AKAIN1: variants seen among roughly 807,000 people sequenced by gnomAD.
AKAIN1 encodes A-kinase anchor inhibitor 1, also known as A-kinase anchor protein inhibitor 1.
AKAIN1 carries 3 observed loss-of-function variants against 3.7 expected under a neutral mutation model. The observed-to-expected ratio is 0.82, with a 90% CI of 0.37 to 2.12. AKAIN1 has a LOEUF of 2.12. AKAIN1 is among the 30% of genes most tolerant of loss of function. The probability of loss-of-function intolerance (pLI) is 0.06; values close to 1 mark genes in which losing one functional copy is unlikely to be tolerated. For synonymous variants in AKAIN1, 31 were observed against 30.8 expected (o/e 1.01, Z -0.02); for missense variants, 82 against 82.7 (o/e 0.99, Z 0.03).
intron 1 of AKAIN1, among the ~76,000 whole-genome samples, chr18:5,180,971 G>A (rs1224480738): frequency 6.6e-6 from 1 of 151,916 alleles, no homozygotes; most frequent in East Asian, 1.9e-4. Context: ...GAGTGCCACA[G>A]CAACACTTCT....
Position 5,197,216 on chromosome 18 carries a change from G to GGCCGCAGCTCCAGCCGCC in AKAIN1, c.-181_-164dup. Reference sequence around the variant, plus strand: ...GACAGCTCCCGCCGCTAGATCCTGGGGCCGCAGCTCCAGCCGCCGCCGCGC... The same window carrying GGCCGCAGCTCCAGCCGCC: ...GACAGCTCCCGCCGCTAGATCCTGGGGCCGCAGCTCCAGCCGCCGCCGCAGCTCCAGCCGCCGCCGCGC... On this transcript the variant is annotated 5_prime_UTR_variant, in exon 1 of 2. Coordinates refer to ENST00000434239, the MANE Select transcript of AKAIN1 (RefSeq NM_001145194.2). The surrounding 1 kb of genome is among the most constrained non-coding windows in gnomAD (Gnocchi z 6.9). 2.9e-6 allele frequency: 4 copies of GGCCGCAGCTCCAGCCGCC among 1,395,274 alleles called. No individual in the cohort carries two copies. The highest frequency in any genetic ancestry group is 3.7e-6 in the Non-Finnish European group (4 of 1,085,422). 86.4% of individuals were successfully genotyped at this position (1,395,274 alleles called of 1,614,324 possible).
chr18:5,150,678 T>G (rs1039508753), intron 1 of AKAIN1, among the ~76,000 whole-genome samples: 6 of 152,152 alleles, frequency 3.9e-5, no homozygotes, highest in Admixed American at 1.3e-4. Context: ...CACAGACCAC[T>G]GTGAGCTCTG....
At chr18:5,180,877 G>T (rs2071253854) in intron 1 of AKAIN1, among the ~76,000 whole-genome samples, 1 of 152,092 alleles carries the variant, frequency 6.6e-6, no homozygotes, top group South Asian at 2.1e-4. Flanking sequence ...GGATTCCATA[G>T]AGCCCTCCTG....
At chr18:5,174,683 G>A (rs1213136869) in intron 1 of AKAIN1, among the ~76,000 whole-genome samples, 1 of 152,112 alleles carries the variant, frequency 6.6e-6, no homozygotes, top group African/African-American at 2.4e-5. Flanking sequence ...GAAGTTTGTG[G>A]TAAGCTGAGA....
intron 1 of AKAIN1, among the ~76,000 whole-genome samples, chr18:5,163,399 C>T (rs2071150384): frequency 6.6e-6 from 1 of 151,948 alleles, no homozygotes; most frequent in South Asian, 2.1e-4. Flanking sequence ...CCAGGGTTTT[C>T]CTCTTTAATT....
chr18:5,169,052 C>T (rs889525821), intron 1 of AKAIN1, among the ~76,000 whole-genome samples: 1 of 146,048 alleles, frequency 6.8e-6, no homozygotes, highest in Non-Finnish European at 1.6e-5. Flanking sequence ...ATATGCAGGG[C>T]GGGCTGGCAA....
At chr18:5,168,554 C>T (rs1409247204) in intron 1 of AKAIN1, among the ~76,000 whole-genome samples, 4 of 151,988 alleles carry the variant, frequency 2.6e-5, no homozygotes, top group Non-Finnish European at 5.9e-5. Context: ...ATTTCCATAC[C>T]TTATACTGTT....
intron 1 of AKAIN1, among the ~76,000 whole-genome samples, chr18:5,175,098 C>A (rs945640632): frequency 1.3e-5 from 2 of 152,134 alleles, no homozygotes; most frequent in African/African-American, 4.8e-5. Flanking sequence ...TCTTAATGAT[C>A]TTATCTTCAT....
At chr18:5,194,135 T>C (rs1454723450) in intron 1 of AKAIN1, among the ~76,000 whole-genome samples, 3 of 152,192 alleles carry the variant, frequency 2.0e-5, no homozygotes, top group Non-Finnish European at 4.4e-5. Flanking sequence ...GTATACTTTA[T>C]ACCTCATTTA....
intron 1 of AKAIN1, among the ~76,000 whole-genome samples, chr18:5,182,584 CATATTTG>C (rs2143023504): frequency 6.6e-6 from 1 of 152,198 alleles, no homozygotes; most frequent in African/African-American, 2.4e-5. Flanking sequence ...AACTTTGCTT[CATATTTG>C]AATTGCTATG....
At chr18:5,191,194 AAAATT>A (rs2071316342) in intron 1 of AKAIN1, among the ~76,000 whole-genome samples, 1 of 152,206 alleles carries the variant, frequency 6.6e-6, no homozygotes, top group Non-Finnish European at 1.5e-5. Context: ...AAAAAGGCGT[AAAATT>A]AGAAAAGAAG....
chr18:5,189,871 C>T (rs1403598554), intron 1 of AKAIN1, among the ~76,000 whole-genome samples: 1 of 152,080 alleles, frequency 6.6e-6, no homozygotes, highest in Non-Finnish European at 1.5e-5. Flanking sequence ...TACTCAGTTC[C>T]AAGGTTGTTT....
chr18:5,150,369 T>A (rs759917029), intron 1 of AKAIN1, among the ~76,000 whole-genome samples: 4 of 152,214 alleles, frequency 2.6e-5, no homozygotes, highest in Non-Finnish European at 5.9e-5. Context: ...ATGTAATGAA[T>A]CACTTAGTGT....
intron 1 of AKAIN1, among the ~76,000 whole-genome samples, chr18:5,191,070 T>G (rs1175396855): frequency 6.6e-6 from 1 of 152,164 alleles, no homozygotes; most frequent in Admixed American, 6.6e-5. Flanking sequence ...AAACTGCAGC[T>G]AATTTCATGC....
rs914428980 is a variant in AKAIN1, at chr18:5,153,268, A to G, written c.17-7513T>C. On this transcript the variant is annotated intron_variant, in intron 1 of 1. Coordinates refer to ENST00000434239, the MANE Select transcript of AKAIN1 (RefSeq NM_001145194.2). The stretch of plus-strand genomic sequence containing the variant: ...AACTTGCAAAGGAAAAGACAATTTT[A>G]CTCTAGGAATCAAGATGCTTATTGA... Among the ~76,000 whole-genome samples the G allele has an allele frequency of 3.9e-5, 6 of 152,362 alleles. No homozygotes were observed. The East Asian group carries it at 9.6e-4, about 25-fold the overall frequency.
chr18:5,176,682 A>G (rs2071228702), intron 1 of AKAIN1, among the ~76,000 whole-genome samples: 2 of 152,300 alleles, frequency 1.3e-5, no homozygotes, highest in South Asian at 4.1e-4. Context: ...TTTCTTTCAT[A>G]AAAAGAGAAA....
intron 1 of AKAIN1, among the ~76,000 whole-genome samples, chr18:5,151,612 G>A (rs987876954): frequency 2.0e-5 from 3 of 152,168 alleles, no homozygotes; most frequent in African/African-American, 4.8e-5. Context: ...TCATATTTGA[G>A]TGATACTGTC....
At chr18:5,149,479 T>C (rs12326255) in intron 1 of AKAIN1, among the ~76,000 whole-genome samples, 2 of 152,180 alleles carry the variant, frequency 1.3e-5, no homozygotes, top group African/African-American at 4.8e-5. Flanking sequence ...AACTCAGATA[T>C]TGGAAAAATC....
intron 1 of AKAIN1, among the ~76,000 whole-genome samples, chr18:5,178,406 TATCTA>T (rs2071238279): frequency 6.6e-6 from 1 of 152,010 alleles, no homozygotes; most frequent in South Asian, 2.1e-4. Flanking sequence ...TCACTGTCAG[TATCTA>T]AAGAGTGGCA....
Sources: allele counts gnomAD v4.1 joint callset (sites outside exome capture counted in the v4.1 genomes callset), GRCh38; gene constraint gnomAD v4.1.1; non-coding constraint Gnocchi (gnomAD v3.1); transcripts MANE v1.5; gene names NCBI Gene and HGNC (gene_info 2026-07-23, HGNC 2026-07-21).